The following CABYR variants were observed in gnomAD, a reference collection of about 807,000 sequenced individuals.
CABYR encodes calcium-binding tyrosine phosphorylation-regulated protein.
A neutral mutation model predicts 36.1 loss-of-function variants in CABYR; 31 were observed. The ratio of observed to expected loss-of-function variants is 0.86; its 90% CI spans 0.64 to 1.16. The LOEUF (loss-of-function observed/expected upper bound fraction) is 1.16, where lower values mean the gene tolerates loss of function less well. CABYR is among the 50% of genes most tolerant of loss of function. The pLI, the probability that CABYR is intolerant of heterozygous loss-of-function variation, is 0.00. For missense variants in CABYR, 429 were observed against 455.8 expected, an observed-to-expected ratio of 0.94 and a Z score of 0.53; for synonymous variants, 146 against 160.7, an observed-to-expected ratio of 0.91 and a Z score of 0.69.
intron 1 of CABYR, among the ~76,000 whole-genome samples, chr18:24,141,404 T>C (rs1369523624): frequency 2.0e-5 from 3 of 152,230 alleles, no homozygotes; most frequent in Non-Finnish European, 4.4e-5. Flanking sequence ...TCACACTATT[T>C]GCTTTATAAG....
chr18:24,161,029 A>ATGAC (rs1447553821), intron 5 of CABYR, among the ~76,000 whole-genome samples: 1 of 152,166 alleles, frequency 6.6e-6, no homozygotes, highest in Non-Finnish European at 1.5e-5. Context: ...AAGCAGAAGA[A>ATGAC]TGACTGATTG....
intron 4 of CABYR, 59 bp downstream of exon 4, chr18:24,156,101 C>T (rs1484008264): frequency 6.2e-7 from 1 of 1,614,026 alleles, no homozygotes; most frequent in Admixed American, 1.7e-5. Context: ...ATGTGGCAAC[C>T]AGTATGCCTG....
chr18:24,144,534 G>A (rs567296809), intron 3 of CABYR, among the ~76,000 whole-genome samples: 2 of 152,172 alleles, frequency 1.3e-5, no homozygotes, highest in African/African-American at 2.4e-5. Flanking sequence ...AGGCTGAGGC[G>A]GGAGGAGGAT....
At chr18:24,146,602 G>C (rs1408073845) in intron 3 of CABYR, among the ~76,000 whole-genome samples, 1 of 151,924 alleles carries the variant, frequency 6.6e-6, no homozygotes, top group Non-Finnish European at 1.5e-5. Context: ...AAAAGTAGTA[G>C]TATTTGAAAT....
At position 24,155,823 on chromosome 18, in the gene CABYR, G is replaced by C. The variant is rs746877224; in HGVS notation, c.322G>C (p.Asp108His). The C allele has an allele frequency of 4.3e-6, 7 of 1,614,008 alleles. No individual in the cohort carries two copies. The highest frequency in any genetic ancestry group is 1.6e-4 in the Middle Eastern group (1 of 6,082). The change falls in exon 4 of 6, where the codon GAC becomes CAC. Residue 108 changes from aspartate (D) to histidine (H), a missense_variant. Asp to His is a moderately conservative substitution (Grantham distance 81). Coordinates refer to ENST00000399496, the MANE Select transcript of CABYR (RefSeq NM_153769.3). The part of the protein sequence containing the change: ...QMEKSTDTDE[D>H]NVTRTEYSDK... ...GGAAAAATCTACAGACACAGACGAG[G>C]ACAATGTAACCAGAACAGAATATAG...
chr18:24,159,438 A>G lies in CABYR; in HGVS notation c.542-34A>G. On this transcript the variant is annotated intron_variant, in intron 4 of 5. Transcript: ENST00000399496. ...ATGCATAGTGCCTGATACAGAGACC[A>G]AAACTTTAATTCCTGCAAAATTTTT... 5 of 1,537,848 alleles carry G rather than the reference A, an allele frequency of 3.3e-6. No individual in the cohort carries two copies. In the South Asian group the frequency reaches 5.7e-5, roughly 18 times the overall value.
intron 3 of CABYR, chr18:24,150,707 T>A (rs1402388099): frequency 2.0e-5 from 6 of 297,190 alleles, no homozygotes; most frequent in South Asian, 1.3e-4. Flanking sequence ...TTACGTACCA[T>A]ACATATTCCT....
chr18:24,142,833 C>A (rs1166756400), intron 1 of CABYR, among the ~76,000 whole-genome samples: 1 of 151,762 alleles, frequency 6.6e-6, no homozygotes, highest in African/African-American at 2.4e-5. Flanking sequence ...GAGATCGAGA[C>A]CATCCTGGCT....
At chr18:24,142,033 C>G (rs897216534) in intron 1 of CABYR, among the ~76,000 whole-genome samples, 2 of 152,114 alleles carry the variant, frequency 1.3e-5, no homozygotes, top group Non-Finnish European at 2.9e-5. Context: ...CACACTTAAA[C>G]ATGAGCAATG....
chr18:24,154,473 C>G (rs2085721101), intron 3 of CABYR, among the ~76,000 whole-genome samples: 1 of 152,170 alleles, frequency 6.6e-6, no homozygotes, highest in Non-Finnish European at 1.5e-5. Context: ...TGCATGTGAG[C>G]ATTTGGTATA....
At chr18:24,146,380 T>C (rs189694125) in intron 3 of CABYR, among the ~76,000 whole-genome samples, 11 of 151,642 alleles carry the variant, frequency 7.3e-5, no homozygotes, top group Non-Finnish European at 1.3e-4. Flanking sequence ...TAGAAAACAA[T>C]GTAAGAGATG....
chr18:24,150,784 T>G (rs1349918327), intron 3 of CABYR, among the ~76,000 whole-genome samples: 63 of 12,538 alleles, frequency 5.0e-3, no homozygotes, highest in Middle Eastern at 0.056. Flanking sequence ...TTGTTTTTTG[T>G]TTTTTTTTTT....
At chr18:24,150,075 A>T (rs2085580544) in intron 3 of CABYR, among the ~76,000 whole-genome samples, 1 of 152,244 alleles carries the variant, frequency 6.6e-6, no homozygotes, top group Non-Finnish European at 1.5e-5. Flanking sequence ...GCCAAGAGCG[A>T]GCAAGGGCTC....
rs374989445 is a variant in CABYR at position 24,161,569 on chromosome 18, T to C, written c.*53T>C. On this transcript the variant is annotated 3_prime_UTR_variant, in exon 6 of 6. Coordinates refer to ENST00000399496, the MANE Select transcript of CABYR (RefSeq NM_153769.3). ...ATTTCAGGGAGGAGTCTGCCACCAG[T>C]GTAATGTATCAATAAACTTCATGCA... 32 of 778,688 alleles carry C rather than the reference T, an allele frequency of 4.1e-5. No homozygotes were observed. The African/African-American group carries it at 4.6e-4, about 11-fold the overall frequency. The allele number at this position is 778,688 out of a possible 1,614,324, so 48.2% of individuals were successfully genotyped here. A position where few individuals can be genotyped will look rare whatever the true frequency, so the allele number is the denominator to read the frequency against.
chr18:24,147,511 A>G (rs930940440), intron 3 of CABYR, among the ~76,000 whole-genome samples: 1 of 152,236 alleles, frequency 6.6e-6, no homozygotes, highest in African/African-American at 2.4e-5. Context: ...GGAAAGGCAT[A>G]TTAAGAAATA....
rs944689338 is a variant in CABYR at position 24,146,397 on chromosome 18, GA to G, written c.199+2986del. Among the ~76,000 whole-genome samples the G allele has an allele frequency of 4.5e-4, 68 of 152,234 alleles. 1 individual carries two copies. Among genetic ancestry groups the G allele is most frequent in the African/African-American group, 1.6e-3 (66 of 41,548 alleles). ...GAAAACAATGTAAGAGATGTATATG[GA>G]ACATTGTCAAAAGGTCTGTGTCCAC... On this transcript the variant is annotated intron_variant, in intron 3 of 5. Transcript: ENST00000399496.
chr18:24,143,085 T>C lies in CABYR; in HGVS notation c.-24-6T>C. 1 of 1,553,592 alleles carries C rather than the reference T, an allele frequency of 6.4e-7. No homozygotes were observed. On this transcript the variant is annotated splice_region_variant and splice_polypyrimidine_tract_variant and intron_variant, in intron 1 of 5. Coordinates refer to ENST00000399496, the MANE Select transcript of CABYR (RefSeq NM_153769.3). The stretch of plus-strand genomic sequence containing the variant: ...AATTACTTCTAAGACTTTTTCTTCA[T>C]TCTAGTTGAGTTACAGACATCCTGC...
At chr18:24,141,864 G>T (rs1229765734) in intron 1 of CABYR, among the ~76,000 whole-genome samples, 1 of 152,108 alleles carries the variant, frequency 6.6e-6, no homozygotes, top group African/African-American at 2.4e-5. Flanking sequence ...TTTGGGAAGA[G>T]GGTAAGGGAG....
intron 1 of CABYR, among the ~76,000 whole-genome samples, chr18:24,142,598 A>G (rs1262893740): frequency 6.7e-6 from 1 of 149,492 alleles, no homozygotes; most frequent in Non-Finnish European, 1.5e-5. Flanking sequence ...TCATGGTACT[A>G]GATTGCTCAT....
Sources: gnomAD v4.1 joint callset for allele counts (sites outside exome capture counted in the v4.1 genomes callset) on GRCh38, gnomAD v4.1.1 for gene constraint, MANE v1.5 for transcripts, NCBI Gene and HGNC (gene_info 2026-07-23, HGNC 2026-07-21) for gene names.